The following GSN variants were observed in gnomAD, a reference collection of about 807,000 sequenced individuals.
GSN encodes gelsolin, also known as actin-depolymerizing factor.
Under a neutral mutation model 85.7 loss-of-function variants are expected in GSN, and 56 were observed. That is an observed-to-expected ratio of 0.65 (90% confidence interval 0.53 to 0.82). GSN has a LOEUF of 0.82. Ranked by LOEUF, GSN falls within the 40% of genes least tolerant of loss-of-function variation. GSN has a pLI of 0.00. For synonymous variants in GSN, 373 were observed against 399.1 expected (o/e 0.93, Z 0.78); for missense variants, 857 against 979.8 (o/e 0.87, Z 1.67).
chr9:121,299,939 C>T lies in GSN; in HGVS notation c.-9-2024C>T. On this transcript the variant is annotated intron_variant, in intron 2 of 17. Coordinates refer to ENST00000432226, the MANE Select transcript of GSN (RefSeq NM_198252.3). This position sits in a 1 kb window ranked among gnomAD's most constrained non-coding sequence, Gnocchi z 4.2. ...TGTGCGCGCTGTCGCTGCCCGTCCG[C>T]GCGGCCACTGCGTCGCGGGGGGCGT... The T allele has an allele frequency of 7.9e-7, 1 of 1,261,856 alleles. No individual in the cohort carries two copies. The highest frequency in any genetic ancestry group is 1.0e-6 in the Non-Finnish European group (1 of 1,002,082). The allele number at this position is 1,261,856 out of a possible 1,614,324, so 78.2% of individuals were successfully genotyped here. A position where few individuals can be genotyped will look rare whatever the true frequency, so the allele number is the denominator to read the frequency against.
At chr9:121,267,247 A>G (rs2055255997), upstream of GSN, among the ~76,000 whole-genome samples, 1 of 152,248 alleles carries the variant, frequency 6.6e-6, no homozygotes, top group African/African-American at 2.4e-5. Flanking sequence ...ATAAACGGCT[A>G]TCGTCTCAAA....
At chr9:121,294,618 C>T (rs926443488) in intron 2 of GSN, among the ~76,000 whole-genome samples, 2 of 152,204 alleles carry the variant, frequency 1.3e-5, no homozygotes, top group African/African-American at 4.8e-5. Context: ...AGCCAAGCCC[C>T]GCTGGCCATC....
chr9:121,260,725 G>T (rs1269355995), intron 6 of GSN, among the ~76,000 whole-genome samples: 1 of 152,188 alleles, frequency 6.6e-6, no homozygotes, highest in Non-Finnish European at 1.5e-5. Flanking sequence ...AGGAGACACG[G>T]GGTGGAACTC....
intron 4 of GSN, among the ~76,000 whole-genome samples, chr9:121,220,038 C>T (rs913103333): frequency 6.6e-6 from 1 of 152,188 alleles, no homozygotes; most frequent in Non-Finnish European, 1.5e-5. Flanking sequence ...TGCGCCACTG[C>T]GCCTGGCTAA....
chr9:121,268,119 C>A, upstream of GSN: 1 of 151,720 alleles, frequency 6.6e-6, no homozygotes, highest in South Asian at 1.9e-4. Flanking sequence ...CGCGCCCTGC[C>A]CACCCCGGCC....
intron 5 of GSN, among the ~76,000 whole-genome samples, chr9:121,231,938 G>T (rs1233893929): frequency 2.0e-5 from 3 of 152,120 alleles, no homozygotes; most frequent in Non-Finnish European, 4.4e-5. Context: ...ATGGTGGCGG[G>T]TGCCTGTAAA....
intron 12 of GSN, among the ~76,000 whole-genome samples, chr9:121,326,207 A>G (rs919010554): frequency 7.3e-5 from 11 of 151,550 alleles, no homozygotes; most frequent in South Asian, 4.2e-4. Flanking sequence ...CTGTGCTTCT[A>G]TTTAAGGGAA....
chr9:121,283,301 CT>C (rs56834014), intron 2 of GSN: 52,247 of 140,536 alleles, frequency 0.37, 10,987 homozygotes, highest in East Asian at 0.61. Flanking sequence ...CTTTCTTTTT[CT>C]TTTTTTTTTT....
intron 2 of GSN, chr9:121,285,611 G>GC (rs1469353959): frequency 6.4e-6 from 1 of 155,468 alleles, no homozygotes; most frequent in Non-Finnish European, 1.5e-5. Context: ...GGAATCTGGG[G>GC]CCCAGAGAGG....
intron 17 of GSN, chr9:121,331,916 C>T (rs748313462): frequency 7.8e-5 from 15 of 192,826 alleles, no homozygotes; most frequent in Non-Finnish European, 1.2e-4. Context: ...ATTAGCCAGG[C>T]GTGTTGGTGT....
chr9:121,292,404 A>T (rs1008344776), intron 2 of GSN, among the ~76,000 whole-genome samples: 1 of 152,212 alleles, frequency 6.6e-6, no homozygotes, highest in Non-Finnish European at 1.5e-5. Flanking sequence ...ATGCAAAGAC[A>T]CAGAGGTAGA....
At position 121,318,101 on chromosome 9, in the gene GSN, C is replaced by A. The variant is rs1261500148; in HGVS notation, c.887-305C>A. On this transcript the variant is annotated intron_variant, in intron 8 of 17. Coordinates refer to ENST00000432226, the MANE Select transcript of GSN (RefSeq NM_198252.3). This position sits in a 1 kb window ranked among gnomAD's most constrained non-coding sequence, Gnocchi z 4.3. ...CTTATAGATACTCAGAAAAAGATAA[C>A]AACTTTTTTTATTACTTAAGACTAT... is the stretch of plus-strand genomic sequence containing the variant. Among the ~76,000 whole-genome samples, 3 of 152,212 alleles carry A rather than the reference C, an allele frequency of 2.0e-5. No individual in the cohort carries two copies. Among genetic ancestry groups the A allele is most frequent in the Non-Finnish European group, 4.4e-5 (3 of 68,044 alleles).
chr9:121,252,336 G>A (rs1389050602), intron 6 of GSN, among the ~76,000 whole-genome samples: 1 of 152,208 alleles, frequency 6.6e-6, no homozygotes. Context: ...TGGGGAGTTG[G>A]GAGAAGACTC....
chr9:121,302,914 A>G lies in GSN; in HGVS notation c.200A>G (p.Asn67Ser). The change falls in exon 4 of 18, where the codon AAT becomes AGT. Residue 67 changes from asparagine (N) to serine (S), a missense_variant. Coordinates refer to ENST00000432226, the MANE Select transcript of GSN (RefSeq NM_198252.3). ...ATATTGCTCTGATGTCCCGTAGGCA[A>G]TGAGTGCAGCCAGGATGAGAGCGGG... is the stretch of plus-strand genomic sequence containing the variant. ...LQYDLHYWLG[N>S]ECSQDESGAA... 1.9e-6 allele frequency: 3 copies of G among 1,613,698 alleles called. No homozygotes were observed. The highest frequency in any genetic ancestry group is 2.5e-6 in the Non-Finnish European group (3 of 1,179,960).
intron 4 of GSN, 42 bp downstream of exon 4, chr9:121,303,107 C>A (rs774424025): frequency 6.3e-7 from 1 of 1,590,742 alleles, no homozygotes; most frequent in East Asian, 2.2e-5. Flanking sequence ...GGGACAGATG[C>A]ACCAGTAACA....
intron 2 of GSN, chr9:121,284,674 G>C (rs368659341): frequency 6.0e-6 from 1 of 167,318 alleles, no homozygotes; most frequent in Non-Finnish European, 1.5e-5. Context: ...GAGCAGGAGT[G>C]TGAGGGTTGA....
At chr9:121,301,272 G>A (rs2059809727) in intron 2 of GSN, among the ~76,000 whole-genome samples, 1 of 152,200 alleles carries the variant, frequency 6.6e-6, no homozygotes, top group South Asian at 2.1e-4. Flanking sequence ...CCTAGCTGGA[G>A]GTCCCTGGCA....
intron 6 of GSN, among the ~76,000 whole-genome samples, chr9:121,255,098 G>A (rs930396764): frequency 8.5e-5 from 13 of 152,108 alleles, no homozygotes; most frequent in Admixed American, 5.2e-4. Context: ...ACAGGCGCCC[G>A]CCACCACGCC....
chr9:121,238,990 T>C (rs2054549901), intron 5 of GSN: 1 of 521,188 alleles, frequency 1.9e-6, no homozygotes, highest in Non-Finnish European at 3.9e-6. Context: ...TGGGTAAATC[T>C]CTCTCTTGTG....
Sources: gnomAD v4.1 joint callset for allele counts (sites outside exome capture counted in the v4.1 genomes callset) on GRCh38, gnomAD v4.1.1 for gene constraint, Gnocchi (gnomAD v3.1) non-coding constraint, MANE v1.5 for transcripts, NCBI Gene and HGNC (gene_info 2026-07-23, HGNC 2026-07-21) for gene names.